Variants in DOCK4 observed in about 807,000 individuals in gnomAD.
The protein encoded by DOCK4 is dedicator of cytokinesis 4, also known as dedicator of cytokinesis protein 4.
DOCK4 carries 97 observed loss-of-function variants against 268.1 expected under a neutral mutation model. That is an observed-to-expected ratio of 0.36 (90% CI 0.31 to 0.43). The LOEUF (loss-of-function observed/expected upper bound fraction) is 0.43, where lower values mean the gene tolerates loss of function less well. DOCK4 is among the 20% of genes least tolerant of loss of function. The pLI, the probability that DOCK4 is intolerant of heterozygous loss-of-function variation, is 1.00. For missense variants in DOCK4, 2,145 were observed against 2,455.7 expected, an observed-to-expected ratio of 0.87 and a Z score of 2.67; for synonymous variants, 954 against 887.2, an observed-to-expected ratio of 1.08 and a Z score of -1.34.
intron 8 of DOCK4, among the ~76,000 whole-genome samples, chr7:111,955,282 G>A (rs1286742977): frequency 1.3e-5 from 2 of 152,202 alleles, no homozygotes; most frequent in African/African-American, 4.8e-5. Context: ...CTGATTAAAG[G>A]GAAATGGAAA....
At chr7:112,089,607 T>C (rs1809438349) in intron 1 of DOCK4, among the ~76,000 whole-genome samples, 1 of 152,152 alleles carries the variant, frequency 6.6e-6, no homozygotes, top group African/African-American at 2.4e-5. Flanking sequence ...CCATATCTCA[T>C]GTTGAACTGT....
intron 44 of DOCK4, 142 bp from the exon 45 acceptor site, chr7:111,742,274 C>G: frequency 1.3e-6 from 1 of 796,812 alleles, no homozygotes; most frequent in Non-Finnish European, 1.7e-6. Flanking sequence ...ACAGCTGTCA[C>G]TTTACAGGTG....
chr7:111,778,827 T>C (rs1798614017), intron 35 of DOCK4, among the ~76,000 whole-genome samples: 1 of 151,926 alleles, frequency 6.6e-6, no homozygotes, highest in Non-Finnish European at 1.5e-5. Context: ...GAGGACGAGG[T>C]GGACAGATCA....
intron 8 of DOCK4, among the ~76,000 whole-genome samples, chr7:111,946,135 T>C (rs1795601858): frequency 6.6e-6 from 1 of 152,244 alleles, no homozygotes; most frequent in African/African-American, 2.4e-5. Flanking sequence ...ATAACATGTT[T>C]CATGTGTCTG....
At chr7:112,066,587 T>TTGGCTCTGTGTCTCTGGAGA (rs1806978464) in intron 1 of DOCK4, among the ~76,000 whole-genome samples, 1 of 117,808 alleles carries the variant, frequency 8.5e-6, no homozygotes, top group African/African-American at 5.1e-5. Context: ...TATGTATATA[T>TTGGCTCTGTGTCTCTGGAGA]ACACATATAC....
chr7:112,035,772 C>T (rs1181775049), intron 1 of DOCK4, among the ~76,000 whole-genome samples: 2 of 152,128 alleles, frequency 1.3e-5, no homozygotes, highest in East Asian at 1.9e-4. Flanking sequence ...CCAGTCACTA[C>T]AGAAAATTAC....
intron 1 of DOCK4, among the ~76,000 whole-genome samples, chr7:112,125,294 T>C (rs867890459): frequency 6.6e-5 from 10 of 152,300 alleles, no homozygotes; most frequent in Admixed American, 2.6e-4. Context: ...TTTAGAGTAA[T>C]TGTCTTGCCT....
chr7:112,086,056 T>C (rs1253017944), intron 1 of DOCK4, among the ~76,000 whole-genome samples: 1 of 152,172 alleles, frequency 6.6e-6, no homozygotes, highest in Admixed American at 6.6e-5. Flanking sequence ...CGGAAATGTA[T>C]ACTGGAGTAT....
intron 1 of DOCK4, among the ~76,000 whole-genome samples, chr7:112,137,596 AAAT>A (rs1239811049): frequency 6.6e-6 from 1 of 152,248 alleles, no homozygotes; most frequent in Non-Finnish European, 1.5e-5. Flanking sequence ...AAGGCAAATA[AAAT>A]AATGACTCAT....
chr7:111,975,819 A>T (rs909474634), intron 8 of DOCK4, among the ~76,000 whole-genome samples: 1 of 152,080 alleles, frequency 6.6e-6, no homozygotes, highest in African/African-American at 2.4e-5. Flanking sequence ...ATTCCCTAGA[A>T]AAAGAAAACT....
Position 111,900,554 on chromosome 7 carries a change from A to G in DOCK4, c.1318-18T>C, listed in dbSNP as rs780216680. ...ATAAAATCCTAACAAAGGGAAGAAC[A>G]CACAGGTTAAAGAGAGCTTCATCTA... On this transcript the variant is annotated intron_variant, in intron 14 of 52. Coordinates refer to ENST00000428084, the MANE Select transcript of DOCK4 (RefSeq NM_001363540.2). 1.9e-6 allele frequency: 3 copies of G among 1,604,640 alleles called. No individual in the cohort carries two copies. The highest frequency in any genetic ancestry group is 1.3e-5 in the African/African-American group (1 of 74,850).
chr7:111,737,873 C>A (rs1364490061), intron 49 of DOCK4, among the ~76,000 whole-genome samples: 1 of 152,180 alleles, frequency 6.6e-6, no homozygotes, highest in Non-Finnish European at 1.5e-5. Context: ...AATAGCTAGT[C>A]CAGCCAAATG....
chr7:111,869,938 G>A (rs939526996), intron 20 of DOCK4, among the ~76,000 whole-genome samples: 3 of 152,178 alleles, frequency 2.0e-5, no homozygotes, highest in Non-Finnish European at 4.4e-5. Context: ...TGGAGAAAAG[G>A]ACTGTGCCCA....
At chr7:112,108,621 G>A (rs1278135333) in intron 1 of DOCK4, among the ~76,000 whole-genome samples, 1 of 152,118 alleles carries the variant, frequency 6.6e-6, no homozygotes, top group Non-Finnish European at 1.5e-5. Flanking sequence ...AATTAAAAAG[G>A]TATTTAAAAC....
chr7:111,738,212 C>A (rs1795637444), intron 49 of DOCK4, among the ~76,000 whole-genome samples: 1 of 152,218 alleles, frequency 6.6e-6, no homozygotes, highest in Non-Finnish European at 1.5e-5. Context: ...CTCAGAAAAA[C>A]AGGGATCACT....
chr7:111,878,323 G>C lies in DOCK4; in HGVS notation c.1588-1137C>G, dbSNP rs567985569. 2.0e-5 allele frequency among the ~76,000 whole-genome samples: 3 copies of C among 152,256 alleles called. No individual in the cohort carries two copies. In the South Asian group the frequency reaches 6.2e-4, roughly 32 times the overall value. On this transcript the variant is annotated intron_variant, in intron 16 of 52. Transcript: ENST00000428084. ...CTAAATTCCACATGAGATAAAAAAC[G>C]TAGTGATCAGAAAATCATTAACTGA... is the stretch of plus-strand genomic sequence containing the variant.
chr7:111,820,615 G>C (rs1280437330), intron 27 of DOCK4: 1 of 152,188 alleles, frequency 6.6e-6, no homozygotes, highest in Non-Finnish European at 1.5e-5. Context: ...ATGGGGCAGA[G>C]AGAGGCAGTA....
intron 35 of DOCK4, among the ~76,000 whole-genome samples, chr7:111,782,033 T>C (rs1798816479): frequency 6.6e-6 from 1 of 152,184 alleles, no homozygotes; most frequent in Non-Finnish European, 1.5e-5. Flanking sequence ...GATTCACAAA[T>C]ATAGAACTAG....
At chr7:112,199,329 T>C (rs1046743781) in intron 1 of DOCK4, among the ~76,000 whole-genome samples, 1 of 152,212 alleles carries the variant, frequency 6.6e-6, no homozygotes, top group Non-Finnish European at 1.5e-5. Context: ...TATTTTATAT[T>C]GCAGTTTCCA....
Sources: allele counts gnomAD v4.1 joint callset (sites outside exome capture counted in the v4.1 genomes callset), GRCh38; gene constraint gnomAD v4.1.1; transcripts MANE v1.5; gene names NCBI Gene and HGNC (gene_info 2026-07-23, HGNC 2026-07-21).